The following NEURL1 variants were observed in gnomAD, a reference collection of about 807,000 sequenced individuals.
NEURL1 encodes the protein neuralized E3 ubiquitin protein ligase 1, also known as E3 ubiquitin-protein ligase NEURL1.
NEURL1 carries 26 observed loss-of-function variants against 41.2 expected under a neutral mutation model. That is an observed-to-expected ratio of 0.63 (90% CI 0.46 to 0.87). The LOEUF (loss-of-function observed/expected upper bound fraction) is 0.87, where lower values mean the gene tolerates loss of function less well. Ranked by LOEUF, NEURL1 falls within the 40% of genes least tolerant of loss-of-function variation. NEURL1 has a pLI of 0.00. For missense variants in NEURL1, 761 were observed against 871.1 expected (o/e 0.87, Z 1.59); for synonymous variants, 400 against 402.3 (o/e 0.99, Z 0.07).
intron 4 of NEURL1, among the ~76,000 whole-genome samples, chr10:103,588,337 C>A (rs1319429189): frequency 6.6e-6 from 1 of 150,412 alleles, no homozygotes; most frequent in African/African-American, 2.4e-5. Flanking sequence ...CTCATGGTTT[C>A]ACTGGAGAAA....
intron 1 of NEURL1, among the ~76,000 whole-genome samples, chr10:103,495,171 C>T (rs1415344447): frequency 6.6e-6 from 1 of 152,212 alleles, no homozygotes; most frequent in Non-Finnish European, 1.5e-5. Context: ...CCAGTCTCCC[C>T]ATTCGGAGCC....
intron 1 of NEURL1, among the ~76,000 whole-genome samples, chr10:103,560,838 C>A (rs577690089): frequency 6.6e-6 from 1 of 152,304 alleles, no homozygotes; most frequent in East Asian, 1.9e-4. Context: ...CCTCTCAGAG[C>A]CTCTGTTTCC....
chr10:103,507,468 CG>C (rs1204599297), intron 1 of NEURL1, among the ~76,000 whole-genome samples: 2 of 151,998 alleles, frequency 1.3e-5, no homozygotes, highest in Non-Finnish European at 2.9e-5. Flanking sequence ...CAGATTGACT[CG>C]GGAGATACTT....
intron 1 of NEURL1, among the ~76,000 whole-genome samples, chr10:103,551,452 G>A (rs953948173): frequency 6.6e-6 from 1 of 152,078 alleles, no homozygotes; most frequent in Non-Finnish European, 1.5e-5. Context: ...ACAGGCGTGT[G>A]CCACCACGCC....
intron 4 of NEURL1, among the ~76,000 whole-genome samples, chr10:103,585,799 C>T (rs1291402901): frequency 6.9e-6 from 1 of 145,884 alleles, no homozygotes; most frequent in Non-Finnish European, 1.5e-5. Flanking sequence ...TGCCACTGCA[C>T]TCCAGCCTGG....
chr10:103,506,961 C>T (rs1263676242), intron 1 of NEURL1, among the ~76,000 whole-genome samples: 1 of 152,186 alleles, frequency 6.6e-6, no homozygotes, highest in Non-Finnish European at 1.5e-5. Context: ...GTACCAAGCA[C>T]AGGCACAAAG....
chr10:103,534,377 C>T (rs1020449189), intron 1 of NEURL1, among the ~76,000 whole-genome samples: 52 of 152,272 alleles, frequency 3.4e-4, no homozygotes, highest in African/African-American at 1.2e-3. Flanking sequence ...TCTAGTGGAT[C>T]AATCACCTCT....
intron 4 of NEURL1, chr10:103,588,772 C>T (rs994879083): frequency 3.1e-5 from 13 of 421,810 alleles, no homozygotes; most frequent in Admixed American, 8.1e-5. Flanking sequence ...GGTGAAACCC[C>T]GTCTCTATTA....
At chr10:103,523,906 G>C (rs2034409089) in intron 1 of NEURL1, among the ~76,000 whole-genome samples, 1 of 152,102 alleles carries the variant, frequency 6.6e-6, no homozygotes, top group African/African-American at 2.4e-5. Flanking sequence ...CAATAAACAT[G>C]GGCGTGCAGC....
intron 1 of NEURL1, among the ~76,000 whole-genome samples, chr10:103,569,241 T>C (rs963726632): frequency 6.6e-6 from 1 of 152,110 alleles, no homozygotes; most frequent in Non-Finnish European, 1.5e-5. Flanking sequence ...CTGTATTGCT[T>C]TGTTTTTAAC....
chr10:103,501,480 A>G (rs2033821175), intron 1 of NEURL1, among the ~76,000 whole-genome samples: 1 of 152,078 alleles, frequency 6.6e-6, no homozygotes, highest in African/African-American at 2.4e-5. Flanking sequence ...ACCACTGCTC[A>G]TAGGCAGGAA....
In NEURL1 at chr10:103,565,623, G is replaced by C. The variant is rs369401399; in HGVS notation, c.86-5249G>C. Among the ~76,000 whole-genome samples the C allele has an allele frequency of 7.9e-5, 12 of 152,332 alleles. No individual in the cohort carries two copies. In the East Asian group the frequency reaches 1.5e-3, roughly 20 times the overall value. On this transcript the variant is annotated intron_variant, in intron 1 of 5. Coordinates refer to ENST00000369780, the MANE Select transcript of NEURL1 (RefSeq NM_004210.5). ...CTCTTCTCTCCGTCTGAATGAAGATGTGACTTGTTAGTTGTATTATAGATT... is the reference window on the plus strand; with the variant it reads ...CTCTTCTCTCCGTCTGAATGAAGATCTGACTTGTTAGTTGTATTATAGATT...
Position 103,555,566 on chromosome 10 carries a change from G to C in NEURL1, c.86-15306G>C, listed in dbSNP as rs139412972. ...GGGCTGTGTGGGGGCACCTTTTGGT[G>C]GTGGGCACTGGGGTGGGGGCAGCAA... On this transcript the variant is annotated intron_variant, in intron 1 of 5. Transcript: ENST00000369780. Among the ~76,000 whole-genome samples the C allele has an allele frequency of 6.3e-3, 965 of 152,218 alleles. 9 individuals are homozygous for C. The highest frequency in any genetic ancestry group is 0.022 in the African/African-American group (914 of 41,546).
intron 1 of NEURL1, among the ~76,000 whole-genome samples, chr10:103,568,837 C>T (rs188881857): frequency 2.9e-4 from 44 of 152,218 alleles, no homozygotes; most frequent in Non-Finnish European, 4.7e-4. Context: ...TGTTTTGAGA[C>T]GGAGTCTTGC....
chr10:103,512,459 G>A (rs1298152941), intron 1 of NEURL1, among the ~76,000 whole-genome samples: 1 of 152,204 alleles, frequency 6.6e-6, no homozygotes, highest in Non-Finnish European at 1.5e-5. Context: ...AGGTGACCTT[G>A]GGCAGGGCAC....
chr10:103,583,620 G>A (rs958901451), intron 3 of NEURL1, among the ~76,000 whole-genome samples: 1 of 144,584 alleles, frequency 6.9e-6, no homozygotes, highest in African/African-American at 2.6e-5. Flanking sequence ...AGGTGAGGAT[G>A]GCTTGAGCCT....
chr10:103,571,079 G>T lies in NEURL1; in HGVS notation c.293G>T (p.Arg98Leu). Residue 98 changes from arginine (R) to leucine (L), a missense_variant, in exon 2 of 6, where the codon CGC becomes CTC. Arg to Leu is a moderately radical substitution (Grantham distance 102). Transcript: ENST00000369780. ...TGCAACGCCATCACCTTCAGCAACC[G>T]CCCGGTCCTCATCTACGAGCAAGTC... ...SFCNAITFSN[R>L]PVLIYEQVRL... 6.2e-7 allele frequency: 1 copy of T among 1,613,726 alleles called. No homozygotes were observed.
chr10:103,527,008 C>G (rs1003445250), intron 1 of NEURL1, among the ~76,000 whole-genome samples: 1 of 151,696 alleles, frequency 6.6e-6, no homozygotes, highest in African/African-American at 2.4e-5. Context: ...ACAGAGCAGC[C>G]CTGAGGGCTC....
At chr10:103,526,843 G>T (rs533802666) in intron 1 of NEURL1, among the ~76,000 whole-genome samples, 1 of 151,800 alleles carries the variant, frequency 6.6e-6, no homozygotes, top group Non-Finnish European at 1.5e-5. Context: ...TGAATGCCAG[G>T]TTATAGCGAC....
Sources: gnomAD v4.1 joint callset for allele counts (sites outside exome capture counted in the v4.1 genomes callset) on GRCh38, gnomAD v4.1.1 for gene constraint, MANE v1.5 for transcripts, NCBI Gene and HGNC (gene_info 2026-07-23, HGNC 2026-07-21) for gene names.